The following AP3M2 variants were observed in gnomAD, a reference collection of about 807,000 sequenced individuals.
AP3M2 encodes AP-3 complex subunit mu-2.
In AP3M2, 28 loss-of-function variants were observed where a neutral mutation model predicts 41.6. The observed-to-expected ratio is 0.67, with a 90% CI of 0.50 to 0.92. The LOEUF is 0.92. Ranked by LOEUF, AP3M2 falls within the 40% of genes least tolerant of loss-of-function variation. The pLI is 0.00. For synonymous variants in AP3M2, 193 were observed against 186.4 expected, an observed-to-expected ratio of 1.04 and a Z score of -0.29; for missense variants, 427 against 521.4, an observed-to-expected ratio of 0.82 and a Z score of 1.76.
intron 8 of AP3M2, among the ~76,000 whole-genome samples, 163 bp from the exon 9 acceptor site, chr8:42,168,798 G>C (rs1158072836): frequency 6.6e-6 from 1 of 152,136 alleles, no homozygotes; most frequent in African/African-American, 2.4e-5. Flanking sequence ...TTTGCTGTCA[G>C]TATCTGTCCC....
chr8:42,163,564 A>T (rs1804565862), intron 4 of AP3M2, among the ~76,000 whole-genome samples: 1 of 152,214 alleles, frequency 6.6e-6, no homozygotes, highest in South Asian at 2.1e-4. Flanking sequence ...ATTGAAATGA[A>T]GTTATTAAGA....
At chr8:42,166,591 C>CAAAGAAAAAAAAAAAAAAAA (rs1804642694) in intron 6 of AP3M2, among the ~76,000 whole-genome samples, 1 of 77,056 alleles carries the variant, frequency 1.3e-5, no homozygotes, top group African/African-American at 5.3e-5. Context: ...CTTGTCTCTA[C>CAAAGAAAAAAAAAAAAAAAA]AAAAAAAAAA....
chr8:42,168,343 C>G, intron 8 of AP3M2: 1 of 363,120 alleles, frequency 2.8e-6, no homozygotes, highest in South Asian at 2.1e-5. Context: ...GTTTTAAGCT[C>G]TTTTCATGTG....
At chr8:42,160,242 G>A (rs1313575180) in intron 3 of AP3M2, among the ~76,000 whole-genome samples, 1 of 152,132 alleles carries the variant, frequency 6.6e-6, no homozygotes, top group East Asian at 1.9e-4. Context: ...GAACATTTCA[G>A]GTAAAGATTA....
At chr8:42,155,920 A>G in intron 2 of AP3M2, 1 of 453,232 alleles carries the variant, frequency 2.2e-6, no homozygotes. Flanking sequence ...GTCTAGAACA[A>G]CTTCCCTTCC....
At chr8:42,165,761 G>A (rs1261687821) in intron 6 of AP3M2, 3 of 541,184 alleles carry the variant, frequency 5.5e-6, no homozygotes, top group African/African-American at 1.9e-5. Context: ...AATAATAAAA[G>A]TGCCTTGTTC....
intron 2 of AP3M2, chr8:42,155,900 T>A: frequency 2.2e-6 from 1 of 446,854 alleles, no homozygotes; most frequent in South Asian, 1.6e-5. Flanking sequence ...TGTACTCATA[T>A]CTGCACCACG....
At chr8:42,154,573 C>G in intron 1 of AP3M2, 43 bp from the exon 2 acceptor site, 2 of 1,466,538 alleles carry the variant, frequency 1.4e-6, no homozygotes, top group Non-Finnish European at 1.8e-6. Context: ...TGGGGAGGGC[C>G]TTTTGGTTGA....
rs1037335798 is a variant in AP3M2 at position 42,167,311 on chromosome 8, G to T, written c.951G>T (p.Gly317=). ...GVTVTSQMPK[G]VLNMSLTPSQ... ...CTGTCACCAGCCAGATGCCCAAGGGGGTCCTGAACATGAGCCTTACTCCAT... is the reference window on the plus strand; with the variant it reads ...CTGTCACCAGCCAGATGCCCAAGGGTGTCCTGAACATGAGCCTTACTCCAT... The change falls in exon 7 of 9, where the codon GGG becomes GGT. Residue 317 remains glycine, a synonymous_variant. Coordinates refer to ENST00000396926, the MANE Select transcript of AP3M2 (RefSeq NM_006803.4). 6 of 1,614,024 alleles carry T rather than the reference G, an allele frequency of 3.7e-6. No individual in the cohort carries two copies. The highest frequency in any genetic ancestry group is 5.1e-6 in the Non-Finnish European group (6 of 1,180,030).
intron 1 of AP3M2, chr8:42,153,938 A>G (rs1262594069): frequency 2.6e-5 from 4 of 152,182 alleles, no homozygotes; most frequent in South Asian, 2.1e-4. Flanking sequence ...CAAACCACAT[A>G]TGTAATTGTA....
intron 8 of AP3M2, among the ~76,000 whole-genome samples, 177 bp from the exon 9 acceptor site, chr8:42,168,783 CT>C (rs541666555): frequency 6.6e-6 from 1 of 152,088 alleles, no homozygotes; most frequent in Admixed American, 6.6e-5. Flanking sequence ...CTGTTGGAGC[CT>C]TTTTTTGCTG....
intron 3 of AP3M2, among the ~76,000 whole-genome samples, chr8:42,160,025 A>G (rs1587914333): frequency 6.6e-6 from 1 of 152,308 alleles, no homozygotes; most frequent in Non-Finnish European, 1.5e-5. Context: ...AATGTGTCCT[A>G]CCAGATATCA....
At chr8:42,162,036 T>C (rs375633048) in intron 3 of AP3M2, 95 of 324,130 alleles carry the variant, frequency 2.9e-4, no homozygotes, top group African/African-American at 1.8e-3. Flanking sequence ...AAATATGATA[T>C]CTGTTTCTCA....
rs984962856 is a variant in AP3M2, at chr8:42,167,804, A to C, written c.1150A>C (p.Ile384Leu). 3 of 1,611,718 alleles carry C rather than the reference A, an allele frequency of 1.9e-6. No homozygotes were observed. The highest frequency in any genetic ancestry group is 2.5e-6 in the Non-Finnish European group (3 of 1,179,404). Residue 384 changes from isoleucine (I) to leucine (L), a missense_variant, in exon 8 of 9, where the codon ATT becomes CTT. Physicochemically the swap from Ile to Leu is conservative, Grantham distance 5. Transcript: ENST00000396926. ...NLQFKIQQLA[I>L]SGLKVNRLDM... is the part of the protein sequence containing the mutation. ...GCAGTTTAAGATCCAGCAGCTGGCC[A>C]TTTCTGGTAAGTGACCCAGAGCTCA...
In AP3M2 at chr8:42,170,483, A is replaced by G. The variant is rs2129653931; in HGVS notation, c.*1422A>G. 6.6e-6 allele frequency: 1 copy of G among 152,294 alleles called. No homozygotes were observed. 9.4% of individuals were successfully genotyped at this position (152,294 alleles called of 1,614,324 possible). A position where few individuals can be genotyped will look rare whatever the true frequency, so the allele number is the denominator to read the frequency against. The stretch of plus-strand genomic sequence containing the variant: ...TGTGTCTGTTACTATTTAAATATTT[A>G]TACAAAAGGGTTTTTGTTTATAGCT... On this transcript the variant is annotated 3_prime_UTR_variant, in exon 9 of 9. Coordinates refer to ENST00000396926, the MANE Select transcript of AP3M2 (RefSeq NM_006803.4).
chr8:42,163,058 C>A (rs529853221), intron 4 of AP3M2, among the ~76,000 whole-genome samples: 61 of 149,664 alleles, frequency 4.1e-4, no homozygotes, highest in Non-Finnish European at 6.8e-4. Context: ...GTTGTAATCA[C>A]AAAATTCAGG....
At chr8:42,156,476 G>C (rs1242627480) in intron 2 of AP3M2, among the ~76,000 whole-genome samples, 1 of 152,182 alleles carries the variant, frequency 6.6e-6, no homozygotes, top group Non-Finnish European at 1.5e-5. Context: ...GCCGGCTGCA[G>C]CACTTGGCTG....
chr8:42,168,878 A>T, intron 8 of AP3M2, 83 bp from the exon 9 acceptor site: 1 of 979,988 alleles, frequency 1.0e-6, no homozygotes, highest in Non-Finnish European at 1.5e-6. Context: ...CACTGACTTC[A>T]GTGTATTGAA....
Position 42,171,005 on chromosome 8 carries a change from A to T in AP3M2, c.*1944A>T, listed in dbSNP as rs1804785176. ...TGCAGGTGTAAGCATAGATGAAATA[A>T]CTGTCCTGTCACATGTGCAGCAGGC... On this transcript the variant is annotated 3_prime_UTR_variant, in exon 9 of 9. Coordinates refer to ENST00000396926, the MANE Select transcript of AP3M2 (RefSeq NM_006803.4). 1 of 152,248 alleles carries T rather than the reference A, an allele frequency of 6.6e-6. No homozygotes were observed. The highest frequency in any genetic ancestry group is 1.5e-5 in the Non-Finnish European group (1 of 68,054). 9.4% of individuals were successfully genotyped at this position (152,248 alleles called of 1,614,324 possible).
Sources: gnomAD v4.1 joint callset for allele counts (sites outside exome capture counted in the v4.1 genomes callset) on GRCh38, gnomAD v4.1.1 for gene constraint, MANE v1.5 for transcripts, NCBI Gene and HGNC (gene_info 2026-07-23, HGNC 2026-07-21) for gene names.